The following SPATA31D1 variants were observed in gnomAD, a reference collection of about 807,000 sequenced individuals.
The protein encoded by SPATA31D1 is spermatogenesis-associated protein 31D1.
Under a neutral mutation model 13.2 loss-of-function variants are expected in SPATA31D1, and 6 were observed. That is an observed-to-expected ratio of 0.46 (90% CI 0.25 to 0.90). The LOEUF is 0.90. Ranked by LOEUF, SPATA31D1 falls within the 40% of genes least tolerant of loss-of-function variation. The pLI is 0.18. For missense variants in SPATA31D1, 2,445 were observed against 1,884.7 expected (o/e 1.30, Z -5.50); for synonymous variants, 903 against 718.8 (o/e 1.26, Z -4.10).
intron 1 of SPATA31D1, among the ~76,000 whole-genome samples, chr9:81,989,552 A>C (rs1824911776): frequency 6.6e-6 from 1 of 152,194 alleles, no homozygotes; most frequent in South Asian, 2.1e-4. Context: ...AACTGAGTAC[A>C]TCAAGTGTGG....
chr9:81,991,365 C>A lies in SPATA31D1; in HGVS notation c.895C>A (p.Pro299Thr). The stretch of plus-strand genomic sequence containing the variant: ...TTCTTGTGCTCGTCATCACGGACCA[C>A]CAATCCCATCTGCTTTACCACCGGA... ...IDSCARHHGP[P>T]IPSALPPEDC... Residue 299 changes from proline (P) to threonine (T), a missense_variant, in exon 4 of 4, where the codon CCA (proline) becomes ACA (threonine). Pro to Thr is a conservative substitution (Grantham distance 38). Coordinates refer to ENST00000344803, the MANE Select transcript of SPATA31D1 (RefSeq NM_001001670.3). 1.2e-6 allele frequency: 2 copies of A among 1,614,006 alleles called. No individual in the cohort carries two copies. Among genetic ancestry groups the A allele is most frequent in the Non-Finnish European group, 1.7e-6 (2 of 1,179,900 alleles).
At position 81,994,044 on chromosome 9, in the gene SPATA31D1, C is replaced by T. The variant is rs750765492; in HGVS notation, c.3574C>T (p.Pro1192Ser). ...AATTTTCCCACCAAGAATATCAGTT[C>T]CTCAAGATCCTAAATCATCATACCT... Reference protein sequence around the residue: ...TEIFPPRISVPQDPKSSYLKN... With the variant: ...TEIFPPRISVSQDPKSSYLKN... The change falls in exon 4 of 4, where the codon CCT becomes TCT. Residue 1192 changes from proline (P) to serine (S), a missense_variant. Physicochemically the swap from Pro to Ser is moderately conservative, Grantham distance 74. Coordinates refer to ENST00000344803, the MANE Select transcript of SPATA31D1 (RefSeq NM_001001670.3). The T allele has an allele frequency of 1.2e-5, 19 of 1,613,726 alleles. No individual in the cohort carries two copies. Among genetic ancestry groups the T allele is most frequent in the African/African-American group, 2.7e-5 (2 of 74,936 alleles).
Position 81,994,324 on chromosome 9 carries a change from C to A in SPATA31D1, c.3854C>A (p.Thr1285Lys). The change falls in exon 4 of 4, where the codon ACG becomes AAG. Residue 1285 changes from threonine to lysine, a missense_variant. Coordinates refer to ENST00000344803, the MANE Select transcript of SPATA31D1 (RefSeq NM_001001670.3). ...PTCVLQKCQV[T>K]NFPPAVNRVS... ...TGTGTCTTACAGAAGTGTCAAGTTA[C>A]GAATTTCCCACCAGCTGTAAACAGA... 6.2e-7 allele frequency: 1 copy of A among 1,613,934 alleles called. No individual in the cohort carries two copies. The highest frequency in any genetic ancestry group is 8.5e-7 in the Non-Finnish European group (1 of 1,179,886).
At chr9:81,987,538 C>T (rs12376340), upstream of SPATA31D1, among the ~76,000 whole-genome samples, 28 of 151,996 alleles carry the variant, frequency 1.8e-4, no homozygotes, top group Middle Eastern at 3.2e-3. Flanking sequence ...CCTTTTAGGT[C>T]GATGTGTATG....
chr9:81,991,584 G>T lies in SPATA31D1; in HGVS notation c.1114G>T (p.Val372Leu). The T allele has an allele frequency of 3.1e-6, 5 of 1,613,930 alleles. No homozygotes were observed. Among genetic ancestry groups the T allele is most frequent in the Non-Finnish European group, 4.2e-6 (5 of 1,179,884 alleles). The change falls in exon 4 of 4, where the codon GTG (valine) becomes TTG (leucine). Residue 372 changes from valine (V) to leucine (L), a missense_variant. Val to Leu is a conservative substitution (Grantham distance 32, BLOSUM62 1). Coordinates refer to ENST00000344803, the MANE Select transcript of SPATA31D1 (RefSeq NM_001001670.3). ...HAKDSFSSNF[V>L]PSDFMEELLT... Reference sequence around the variant, plus strand: ...CAAGGACTCTTTTTCCTCTAATTTTGTGCCATCTGATTTCATGGAGGAGCT... The same window carrying T: ...CAAGGACTCTTTTTCCTCTAATTTTTTGCCATCTGATTTCATGGAGGAGCT...
intron 1 of SPATA31D1, 59 bp from the exon 2 acceptor site, chr9:81,989,719 C>A: frequency 1.3e-6 from 2 of 1,553,458 alleles, no homozygotes; most frequent in South Asian, 2.2e-5. Context: ...AATGAATGAG[C>A]TTCATAGAGA....
rs1244715732 is a variant in SPATA31D1 at position 81,995,175 on chromosome 9, G to A, written c.4705G>A (p.Gly1569Arg). 9.1e-6 allele frequency: 14 copies of A among 1,538,294 alleles called. No homozygotes were observed. The highest frequency in any genetic ancestry group is 2.1e-5 in the Admixed American group (1 of 48,146). Residue 1569 changes from glycine (G) to arginine (R), a missense_variant, in exon 4 of 4, where the codon GGA (glycine) becomes AGA (arginine). Transcript: ENST00000344803. ...GQKMLPKHLQ[G>R]GKFPPTK ...GAAAATGCTTCCAAAGCATTTACAG[G>A]GAGGAAAATTTCCCCCCACAAAATA...
At position 81,995,105 on chromosome 9, in the gene SPATA31D1, T is replaced by C; in HGVS notation, c.4635T>C (p.Ser1545=). Reference sequence around the variant, plus strand: ...TGGTGTGTCCAGCCGTCCCAACCAGTGCTAAAAGCCCTGTGTTTAGTGATG... The same window carrying C: ...TGGTGTGTCCAGCCGTCCCAACCAGCGCTAAAAGCCCTGTGTTTAGTGATG... ...VSLVCPAVPT[S]AKSPVFSDVP... The change falls in exon 4 of 4, where the codon AGT becomes AGC. Residue 1545 remains serine, a synonymous_variant. Transcript: ENST00000344803. The C allele has an allele frequency of 6.2e-7, 1 of 1,609,398 alleles. No individual in the cohort carries two copies. The highest frequency in any genetic ancestry group is 8.5e-7 in the Non-Finnish European group (1 of 1,177,574).
chr9:81,989,848 G>A (rs1050680579), intron 2 of SPATA31D1, 25 bp downstream of exon 2: 1 of 1,612,014 alleles, frequency 6.2e-7, no homozygotes, highest in Middle Eastern at 1.7e-4. Flanking sequence ...CTCTATCTGA[G>A]CTTCAGGGGT....
chr9:81,992,834 T>C lies in SPATA31D1; in HGVS notation c.2364T>C (p.Gly788=). The C allele has an allele frequency of 6.2e-7, 1 of 1,613,792 alleles. No homozygotes were observed. The highest frequency in any genetic ancestry group is 1.1e-5 in the South Asian group (1 of 91,074). The change falls in exon 4 of 4, where the codon GGT becomes GGC. Residue 788 remains glycine, a synonymous_variant. Transcript: ENST00000344803. ...TCCCAAAAGATCACCTGTTGCATGG[T>C]CCGGAGACTTCTTCAGACAAGGATC... The part of the protein sequence containing the change: ...ETVPKDHLLH[G]PETSSDKDLR...
In SPATA31D1 at chr9:81,991,098, G is replaced by A; in HGVS notation, c.628G>A (p.Asp210Asn). The A allele has an allele frequency of 1.9e-6, 3 of 1,613,530 alleles. No individual in the cohort carries two copies. Among genetic ancestry groups the A allele is most frequent in the Non-Finnish European group, 1.7e-6 (2 of 1,179,684 alleles). ...LSPDLITTLA[D>N]LFSPSPLRDP... is the part of the protein sequence containing the mutation. Reference sequence around the variant, plus strand: ...ACCTGACCTGATCACCACCTTAGCTGACTTATTTTCACCCTCACCACTGAG... The same window carrying A: ...ACCTGACCTGATCACCACCTTAGCTAACTTATTTTCACCCTCACCACTGAG... Residue 210 changes from aspartate (D) to asparagine (N), a missense_variant, in exon 4 of 4, where the codon GAC becomes AAC. Asp to Asn is a conservative substitution (Grantham distance 23). Coordinates refer to ENST00000344803, the MANE Select transcript of SPATA31D1 (RefSeq NM_001001670.3).
At position 81,990,911 on chromosome 9, in the gene SPATA31D1, G is replaced by A; in HGVS notation, c.441G>A (p.Glu147=). ...TADIQQLLSW[E]SLKDAAPSVS... ...ATATCCAGCAACTGCTGTCTTGGGAGTCCCTGAAAGATGCTGCTCCCTCTG... is the reference window on the plus strand; with the variant it reads ...ATATCCAGCAACTGCTGTCTTGGGAATCCCTGAAAGATGCTGCTCCCTCTG... Residue 147 remains glutamate, a synonymous_variant, in exon 4 of 4, where the codon GAG becomes GAA. Coordinates refer to ENST00000344803, the MANE Select transcript of SPATA31D1 (RefSeq NM_001001670.3). The A allele has an allele frequency of 6.2e-7, 1 of 1,613,946 alleles. No homozygotes were observed. Among genetic ancestry groups the A allele is most frequent in the Non-Finnish European group, 8.5e-7 (1 of 1,179,886 alleles).
In SPATA31D1 at chr9:81,993,067, A is replaced by T. The variant is rs774746502; in HGVS notation, c.2597A>T (p.Lys866Ile). 1.2e-4 allele frequency: 188 copies of T among 1,613,722 alleles called. No individual in the cohort carries two copies. The highest frequency in any genetic ancestry group is 1.6e-4 in the Non-Finnish European group (185 of 1,179,762). The change falls in exon 4 of 4, where the codon AAA becomes ATA. Residue 866 changes from lysine (K) to isoleucine (I), a missense_variant. Transcript: ENST00000344803. ...AAGCAGACAATGTCTCTTCCTGAGA[A>T]ATCCCACAGCCAAATTAAACATCGA... ...SVKQTMSLPEKSHSQIKHRNL... is the reference protein window; with the variant it reads ...SVKQTMSLPEISHSQIKHRNL...
Position 81,991,828 on chromosome 9 carries a change from A to C in SPATA31D1, c.1358A>C (p.Asn453Thr), listed in dbSNP as rs1432132846. 2.5e-6 allele frequency: 4 copies of C among 1,613,828 alleles called. No homozygotes were observed. The highest frequency in any genetic ancestry group is 3.4e-6 in the Non-Finnish European group (4 of 1,179,724). ...AACTACCAACTAAATTCCTCACGGA[A>C]TATGTTAACCTCAATTGCTGTTAAG... is the stretch of plus-strand genomic sequence containing the variant. ...RPNYQLNSSR[N>T]MLTSIAVKHD... Residue 453 changes from asparagine (N) to threonine (T), a missense_variant, in exon 4 of 4, where the codon AAT (asparagine) becomes ACT (threonine). By Grantham distance (65) the Asn-to-Thr change is moderately conservative. Coordinates refer to ENST00000344803, the MANE Select transcript of SPATA31D1 (RefSeq NM_001001670.3).
chr9:81,990,639 T>A, intron 3 of SPATA31D1, 134 bp from the exon 4 acceptor site: 1 of 1,339,298 alleles, frequency 7.5e-7, no homozygotes, highest in Non-Finnish European at 1.0e-6. Flanking sequence ...GGGGAGAGGC[T>A]ATAGTGAGGT....
intron 2 of SPATA31D1, 59 bp from the exon 3 acceptor site, chr9:81,990,358 G>T: frequency 7.5e-7 from 1 of 1,327,604 alleles, no homozygotes; most frequent in Non-Finnish European, 1.0e-6. Context: ...GTCTTCCACA[G>T]ATTGACTTCT....
rs776735772 is a variant in SPATA31D1, at chr9:81,994,263, C to G, written c.3793C>G (p.Arg1265Gly). 1.2e-6 allele frequency: 2 copies of G among 1,613,956 alleles called. No individual in the cohort carries two copies. Among genetic ancestry groups the G allele is most frequent in the Non-Finnish European group, 1.7e-6 (2 of 1,179,872 alleles). The change falls in exon 4 of 4, where the codon CGT becomes GGT. Residue 1265 changes from arginine (R) to glycine (G), a missense_variant. Transcript: ENST00000344803. ...TGTCCACTTGGAGGACAGCGGAATCCGTGTGGCACAGAAGCAGGAGCCCAG... is the reference window on the plus strand; with the variant it reads ...TGTCCACTTGGAGGACAGCGGAATCGGTGTGGCACAGAAGCAGGAGCCCAG... ...VHVHLEDSGI[R>G]VAQKQEPRVP...
Position 81,989,017 on chromosome 9 carries a change from G to T in SPATA31D1, c.186+13G>T, listed in dbSNP as rs780301892. 3.1e-6 allele frequency: 5 copies of T among 1,610,914 alleles called. No homozygotes were observed. The Admixed American group carries it at 8.3e-5, about 27-fold the overall frequency. ...TGACATCCAAAAGGTAAGGAACTGTGGGTGAACACCCAAGAGAGATGCCCT... is the reference window on the plus strand; with the variant it reads ...TGACATCCAAAAGGTAAGGAACTGTTGGTGAACACCCAAGAGAGATGCCCT... On this transcript the variant is annotated intron_variant, in intron 1 of 3. Coordinates refer to ENST00000344803, the MANE Select transcript of SPATA31D1 (RefSeq NM_001001670.3).
chr9:81,990,124 C>T (rs1255821103), intron 2 of SPATA31D1: 5 of 523,264 alleles, frequency 9.6e-6, no homozygotes, highest in African/African-American at 9.5e-5. Context: ...TTCTGTCTCA[C>T]AACTTTGCAT....
Sources: gnomAD v4.1 joint callset for allele counts (sites outside exome capture counted in the v4.1 genomes callset) on GRCh38, gnomAD v4.1.1 for gene constraint, MANE v1.5 for transcripts, NCBI Gene and HGNC (gene_info 2026-07-23, HGNC 2026-07-21) for gene names.